The following CADM2 variants were observed in gnomAD, a reference collection of about 807,000 sequenced individuals.
The protein encoded by CADM2 is cell adhesion molecule 2, also known as immunoglobulin superfamily member 4D.
CADM2 carries 12 observed loss-of-function variants against 49.8 expected under a neutral mutation model. That is an observed-to-expected ratio of 0.24 (90% CI 0.15 to 0.39). The LOEUF is 0.39. Among genes scored for constraint, CADM2 ranks in the 10% least tolerant of loss-of-function variants. The pLI, the probability that CADM2 is intolerant of heterozygous loss-of-function variation, is 1.00. For synonymous variants in CADM2, 214 were observed against 175.4 expected (o/e 1.22, Z -1.74); for missense variants, 378 against 492.3 (o/e 0.77, Z 2.20).
chr3:85,130,053 T>G (rs545131507), intron 1 of CADM2, among the ~76,000 whole-genome samples: 1 of 152,308 alleles, frequency 6.6e-6, no homozygotes, highest in African/African-American at 2.4e-5. Context: ...GCTTAAGTTA[T>G]CCATTAGGAA....
At chr3:85,202,226 C>G (rs561845570) in intron 1 of CADM2, among the ~76,000 whole-genome samples, 2 of 152,134 alleles carry the variant, frequency 1.3e-5, no homozygotes, top group Non-Finnish European at 2.9e-5. Flanking sequence ...TTTTGACTTC[C>G]TCTCATGAAT....
intron 1 of CADM2, among the ~76,000 whole-genome samples, chr3:85,525,642 TCCTA>T (rs1242556031): frequency 5.3e-5 from 8 of 152,164 alleles, no homozygotes; most frequent in Non-Finnish European, 1.2e-4. Flanking sequence ...TTTTAATCAT[TCCTA>T]CCTAATATGA....
At chr3:85,284,189 T>C (rs1292195505) in intron 1 of CADM2, among the ~76,000 whole-genome samples, 1 of 152,170 alleles carries the variant, frequency 6.6e-6, no homozygotes, top group African/African-American at 2.4e-5. Context: ...TGAATTGTGT[T>C]GTCCTTTGAA....
chr3:86,044,305 C>A (rs1736352851), intron 8 of CADM2, among the ~76,000 whole-genome samples: 1 of 152,140 alleles, frequency 6.6e-6, no homozygotes. Context: ...TTTTTGCAAT[C>A]TACTCATCTG....
chr3:85,914,174 A>G (rs981619812), intron 6 of CADM2, among the ~76,000 whole-genome samples: 1 of 152,170 alleles, frequency 6.6e-6, no homozygotes, highest in Non-Finnish European at 1.5e-5. Flanking sequence ...ATTTACTGCT[A>G]TTCTCCTTGA....
chr3:85,399,787 A>G (rs1288538448), intron 1 of CADM2, among the ~76,000 whole-genome samples: 2 of 152,108 alleles, frequency 1.3e-5, no homozygotes, highest in Non-Finnish European at 2.9e-5. Flanking sequence ...ATTGGTGTAT[A>G]AGAATGCTTG....
At chr3:85,929,174 C>A (rs1037659638) in intron 6 of CADM2, among the ~76,000 whole-genome samples, 1 of 151,908 alleles carries the variant, frequency 6.6e-6, no homozygotes, top group Non-Finnish European at 1.5e-5. Context: ...TGTATTGAAC[C>A]AAAAGAGTCA....
intron 1 of CADM2, among the ~76,000 whole-genome samples, chr3:85,406,494 C>T (rs2035384519): frequency 6.6e-6 from 1 of 152,098 alleles, no homozygotes; most frequent in African/African-American, 2.4e-5. Flanking sequence ...TAATATTTAG[C>T]TGTAATTATA....
chr3:85,885,384 A>G (rs1345491820), intron 4 of CADM2, among the ~76,000 whole-genome samples: 1 of 141,438 alleles, frequency 7.1e-6, no homozygotes, highest in Non-Finnish European at 1.6e-5. Context: ...TAAAAAATAC[A>G]AAATTAGGCC....
At chr3:85,874,640 C>G (rs912186892) in intron 3 of CADM2, among the ~76,000 whole-genome samples, 1 of 152,012 alleles carries the variant, frequency 6.6e-6, no homozygotes, top group Non-Finnish European at 1.5e-5. Context: ...ATATCATTTT[C>G]TTGTTCTACG....
intron 1 of CADM2, among the ~76,000 whole-genome samples, chr3:85,302,627 A>C (rs947321031): frequency 1.3e-5 from 2 of 152,042 alleles, no homozygotes; most frequent in African/African-American, 4.8e-5. Context: ...GATACTGCAT[A>C]AACTATAATT....
At chr3:85,422,773 C>A (rs1352588012) in intron 1 of CADM2, among the ~76,000 whole-genome samples, 4 of 151,838 alleles carry the variant, frequency 2.6e-5, no homozygotes, top group Admixed American at 2.6e-4. Flanking sequence ...GGGCTCAAAC[C>A]CCTTATGGGA....
At chr3:85,456,568 T>C (rs553357839) in intron 1 of CADM2, among the ~76,000 whole-genome samples, 1 of 152,342 alleles carries the variant, frequency 6.6e-6, no homozygotes, top group African/African-American at 2.4e-5. Flanking sequence ...TTATATAGCA[T>C]ACTTTTTCAA....
chr3:85,851,120 A>G (rs73847404), intron 3 of CADM2, among the ~76,000 whole-genome samples: 1 of 152,132 alleles, frequency 6.6e-6, no homozygotes, highest in Non-Finnish European at 1.5e-5. Flanking sequence ...ATCTTACAGG[A>G]CACACTAAAA....
chr3:85,984,042 T>C (rs1265954702), intron 8 of CADM2, among the ~76,000 whole-genome samples: 1 of 149,610 alleles, frequency 6.7e-6, no homozygotes, highest in African/African-American at 2.4e-5. Flanking sequence ...ATATTATATA[T>C]GATCTATCTT....
chr3:85,298,275 A>G (rs148109372), intron 1 of CADM2, among the ~76,000 whole-genome samples: 1 of 152,196 alleles, frequency 6.6e-6, no homozygotes, highest in East Asian at 1.9e-4. Flanking sequence ...GCTGTCAGTT[A>G]TTGTCAAAGG....
chr3:85,339,893 A>G (rs537319708), intron 1 of CADM2, among the ~76,000 whole-genome samples: 1 of 151,580 alleles, frequency 6.6e-6, no homozygotes, highest in South Asian at 2.1e-4. Context: ...TTTAATTTCT[A>G]AGATTTATCT....
intron 1 of CADM2, among the ~76,000 whole-genome samples, chr3:85,452,058 G>A (rs2037770914): frequency 6.6e-6 from 1 of 152,074 alleles, no homozygotes; most frequent in African/African-American, 2.4e-5. Flanking sequence ...CATTCTGTAA[G>A]GCTTCTCATG....
chr3:85,387,385 C>A (rs2034289511), intron 1 of CADM2, among the ~76,000 whole-genome samples: 1 of 152,122 alleles, frequency 6.6e-6, no homozygotes, highest in African/African-American at 2.4e-5. Context: ...TACTTTCCTT[C>A]TTTTTGCTAC....
Sources: allele counts gnomAD v4.1 joint callset (sites outside exome capture counted in the v4.1 genomes callset), GRCh38; gene constraint gnomAD v4.1.1; transcripts MANE v1.5; gene names NCBI Gene and HGNC (gene_info 2026-07-23, HGNC 2026-07-21).